The following SLCO1A2 variants were observed in gnomAD, a reference collection of about 807,000 sequenced individuals.
The protein encoded by SLCO1A2 is solute carrier organic anion transporter family member 1A2.
Under a neutral mutation model 69.0 loss-of-function variants are expected in SLCO1A2, and 67 were observed. The ratio of observed to expected loss-of-function variants is 0.97; its 90% confidence interval spans 0.80 to 1.19. SLCO1A2 has a LOEUF of 1.19. Among genes scored for constraint, SLCO1A2 ranks in the 50% most tolerant of loss-of-function variants. The pLI, the probability that SLCO1A2 is intolerant of heterozygous loss-of-function variation, is 0.00. For synonymous variants in SLCO1A2, 260 were observed against 265.9 expected (o/e 0.98, Z 0.22); for missense variants, 787 against 793.7 (o/e 0.99, Z 0.10).
intron 2 of SLCO1A2, among the ~76,000 whole-genome samples, chr12:21,332,109 A>C (rs913689397): frequency 4.6e-5 from 7 of 152,174 alleles, no homozygotes; most frequent in Non-Finnish European, 7.4e-5. Context: ...AAGTTAAGGC[A>C]TGCCTACAGT....
At chr12:21,419,278 G>C (rs1029668980), upstream of SLCO1A2, 2 of 158,150 alleles carry the variant, frequency 1.3e-5, no homozygotes, top group African/African-American at 2.4e-5. Flanking sequence ...CGCAGAAGAC[G>C]GGTGATTTCT....
At chr12:21,381,845 G>A (rs763297617) in intron 1 of SLCO1A2, among the ~76,000 whole-genome samples, 1 of 152,188 alleles carries the variant, frequency 6.6e-6, no homozygotes, top group Non-Finnish European at 1.5e-5. Flanking sequence ...TCGTGTAAAT[G>A]TGGGGAAAAA....
rs1349422520 is a variant in SLCO1A2 at position 21,400,793 on chromosome 12, C to T, written c.-312+17089G>A. ...ATCGCAAGAACAAAAAACCAAACACCGTATATTCTCACTCATAGGTGGGAA... is the reference window on the plus strand; with the variant it reads ...ATCGCAAGAACAAAAAACCAAACACTGTATATTCTCACTCATAGGTGGGAA... On this transcript the variant is annotated intron_variant, in intron 1 of 4. Transcript: ENST00000413682. Among the ~76,000 whole-genome samples, 13 of 147,464 alleles carry T rather than the reference C, an allele frequency of 8.8e-5. No homozygotes were observed. In the East Asian group the frequency reaches 1.6e-3, roughly 18 times the overall value.
At chr12:21,342,002 G>C (rs1293977680) in intron 2 of SLCO1A2, among the ~76,000 whole-genome samples, 1 of 151,934 alleles carries the variant, frequency 6.6e-6, no homozygotes, top group Non-Finnish European at 1.5e-5. Context: ...CCTTCCCTTT[G>C]CCACTCAGCT....
intron 12 of SLCO1A2, among the ~76,000 whole-genome samples, chr12:21,276,368 G>C (rs559102120): frequency 7.4e-5 from 11 of 149,380 alleles, no homozygotes; most frequent in African/African-American, 2.5e-4. Context: ...TATGCGTAGA[G>C]ATGATAGAGA....
At chr12:21,278,547 A>G (rs1337996727) in intron 12 of SLCO1A2, among the ~76,000 whole-genome samples, 1 of 152,132 alleles carries the variant, frequency 6.6e-6, no homozygotes, top group Non-Finnish European at 1.5e-5. Flanking sequence ...GAGAGACTCC[A>G]CTTGTTTGGA....
rs1298362533 is a variant in SLCO1A2, at chr12:21,269,672, C to T, written c.1889G>A (p.Gly630Asp). Residue 630 changes from glycine to aspartate, a missense_variant, in exon 15 of 15, where the codon GGT becomes GAT. Coordinates refer to ENST00000683939, the MANE Select transcript of SLCO1A2 (RefSeq NM_001386879.1). ...CTCTGTTCCTGAAGAGGCATTTTCACCAGGTAGATGACACTTCCTCAAAAG... is the reference window on the plus strand; with the variant it reads ...CTCTGTTCCTGAAGAGGCATTTTCATCAGGTAGATGACACTTCCTCAAAAG... Reference protein sequence around the residue: ...LILLRKCHLPGENASSGTELI... With the variant: ...LILLRKCHLPDENASSGTELI... The T allele has an allele frequency of 5.0e-6, 8 of 1,612,666 alleles. No homozygotes were observed. In the South Asian group the frequency reaches 7.7e-5, roughly 16 times the overall value.
At chr12:21,276,578 G>C (rs76224639) in intron 12 of SLCO1A2, among the ~76,000 whole-genome samples, 1,940 of 148,970 alleles carry the variant, frequency 0.013, 46 homozygotes, top group African/African-American at 0.046. Flanking sequence ...TTGTAAGAAT[G>C]AAAAATCAGG....
At chr12:21,366,480 C>T (rs144832548) in intron 2 of SLCO1A2, among the ~76,000 whole-genome samples, 170 of 152,046 alleles carry the variant, frequency 1.1e-3, no homozygotes, top group African/African-American at 3.6e-3. Flanking sequence ...ACCAACATGG[C>T]GCACGTATTC....
intron 2 of SLCO1A2, among the ~76,000 whole-genome samples, chr12:21,339,925 C>G (rs762574267): frequency 6.6e-6 from 1 of 151,930 alleles, no homozygotes; most frequent in Non-Finnish European, 1.5e-5. Context: ...ATGACCAACA[C>G]AACCATAATC....
chr12:21,357,332 C>A (rs1938449032), intron 2 of SLCO1A2, among the ~76,000 whole-genome samples: 1 of 152,106 alleles, frequency 6.6e-6, no homozygotes, highest in Non-Finnish European at 1.5e-5. Flanking sequence ...GGAATGAAGA[C>A]AAAAATCAGG....
intron 2 of SLCO1A2, among the ~76,000 whole-genome samples, chr12:21,321,609 C>T (rs34383451): frequency 5.3e-4 from 80 of 152,216 alleles, no homozygotes; most frequent in Non-Finnish European, 9.8e-4. Context: ...TGTTGCTTGT[C>T]CTTAGACACA....
chr12:21,355,951 ATGAG>A (rs1250009234), intron 2 of SLCO1A2, among the ~76,000 whole-genome samples: 1 of 152,184 alleles, frequency 6.6e-6, no homozygotes, highest in African/African-American at 2.4e-5. Flanking sequence ...ATAGTATTGA[ATGAG>A]TAACAGCATA....
intron 9 of SLCO1A2, 147 bp downstream of exon 9, chr12:21,297,257 T>G (rs987023829): frequency 8.9e-5 from 38 of 426,428 alleles, no homozygotes; most frequent in Non-Finnish European, 8.2e-6. Flanking sequence ...TTCTCTTTCT[T>G]TCTTTCTTTC....
chr12:21,323,275 G>T (rs1951863587), intron 2 of SLCO1A2, among the ~76,000 whole-genome samples: 1 of 152,078 alleles, frequency 6.6e-6, no homozygotes, highest in Non-Finnish European at 1.5e-5. Context: ...AATATATACT[G>T]ACCAGGCACC....
chr12:21,348,466 T>C (rs770288174), intron 2 of SLCO1A2, among the ~76,000 whole-genome samples: 3 of 152,214 alleles, frequency 2.0e-5, no homozygotes, highest in African/African-American at 4.8e-5. Context: ...TTTCGATTTT[T>C]AGATCCCACA....
At chr12:21,363,110 T>C (rs990555757) in intron 2 of SLCO1A2, among the ~76,000 whole-genome samples, 31 of 152,262 alleles carry the variant, frequency 2.0e-4, no homozygotes, top group African/African-American at 7.5e-4. Flanking sequence ...CAGCAACACA[T>C]CACACTTATT....
chr12:21,294,297 T>A (rs1947376538), intron 10 of SLCO1A2, 187 bp from the exon 11 acceptor site: 1 of 426,292 alleles, frequency 2.3e-6, no homozygotes, highest in Admixed American at 4.3e-5. Context: ...GATGACCACA[T>A]AGCCACTCCT....
At chr12:21,334,517 A>G in intron 2 of SLCO1A2, 71 bp downstream of exon 2, 1 of 1,138,018 alleles carries the variant, frequency 8.8e-7, no homozygotes, top group East Asian at 2.4e-5. Flanking sequence ...GATAGGAGCA[A>G]TTTTACCAGG....
Sources: gnomAD v4.1 joint callset for allele counts (sites outside exome capture counted in the v4.1 genomes callset) on GRCh38, gnomAD v4.1.1 for gene constraint, MANE v1.5 for transcripts, NCBI Gene and HGNC (gene_info 2026-07-23, HGNC 2026-07-21) for gene names.